ACSL6: variants seen among roughly 807,000 people sequenced by gnomAD.
ACSL6 encodes acyl-CoA synthetase long chain family member 6, also known as long-chain-fatty-acid--CoA ligase 6.
ACSL6 carries 47 observed loss-of-function variants against 98.2 expected under a neutral mutation model. That is an observed-to-expected ratio of 0.48 (90% CI 0.38 to 0.61). The LOEUF (loss-of-function observed/expected upper bound fraction) is 0.61, where lower values mean the gene tolerates loss of function less well. Ranked by LOEUF, ACSL6 falls within the 20% of genes least tolerant of loss-of-function variation. ACSL6 has a pLI of 0.00. For synonymous variants in ACSL6, 362 were observed against 336.9 expected (o/e 1.07, Z -0.82); for missense variants, 761 against 913.4 (o/e 0.83, Z 2.15).
intron 1 of ACSL6, among the ~76,000 whole-genome samples, chr5:131,998,642 T>C (rs1306798889): frequency 6.6e-6 from 1 of 152,056 alleles, no homozygotes; most frequent in African/African-American, 2.4e-5. Flanking sequence ...CTAGGCTTCA[T>C]TGTCTAGCTG....
intron 15 of ACSL6, among the ~76,000 whole-genome samples, chr5:131,969,729 C>A (rs1380890082): frequency 6.6e-6 from 1 of 152,094 alleles, no homozygotes; most frequent in East Asian, 1.9e-4. Flanking sequence ...ATTTTAGAGG[C>A]CCTTTGAGAA....
chr5:131,990,793 T>C (rs1754460227), intron 3 of ACSL6, 60 bp downstream of exon 3: 4 of 1,519,400 alleles, frequency 2.6e-6, no homozygotes, highest in Admixed American at 1.7e-5. Flanking sequence ...TACCCACCCT[T>C]GCACCCACTC....
intron 9 of ACSL6, among the ~76,000 whole-genome samples, chr5:131,980,406 T>C: frequency 6.6e-6 from 1 of 152,194 alleles, no homozygotes; most frequent in East Asian, 1.9e-4. Context: ...TGCTGGGCAC[T>C]TCATACATGG....
chr5:131,974,375 G>C (rs983275650), intron 11 of ACSL6, among the ~76,000 whole-genome samples: 1 of 152,152 alleles, frequency 6.6e-6, no homozygotes, highest in African/African-American at 2.4e-5. Context: ...TTACTCTTTT[G>C]TTTTCTCTTT....
At chr5:131,975,192 G>C in intron 10 of ACSL6, 2 of 1,398,566 alleles carry the variant, frequency 1.4e-6, no homozygotes, top group South Asian at 3.1e-5. Context: ...AAAGAAGAGA[G>C]AGACAGGGCA....
chr5:131,975,379 T>TCCCCACACCTGCAGGACCTG (rs1360275593), intron 10 of ACSL6: 2 of 985,158 alleles, frequency 2.0e-6, no homozygotes, highest in Non-Finnish European at 2.4e-6. Flanking sequence ...CTCCCCTTCC[T>TCCCCACACCTGCAGGACCTG]CCCCACACCT....
chr5:132,001,753 C>T (rs952251855), intron 1 of ACSL6: 8 of 152,400 alleles, frequency 5.2e-5, no homozygotes, highest in African/African-American at 1.9e-4. Context: ...CTTTAGCAGC[C>T]TCCACTGCCC....
chr5:131,999,004 G>A (rs1178655366), intron 1 of ACSL6, among the ~76,000 whole-genome samples: 1 of 152,100 alleles, frequency 6.6e-6, no homozygotes, highest in Non-Finnish European at 1.5e-5. Context: ...AACTTCTGAG[G>A]TCTTCAAAAC....
chr5:131,986,183 G>A (rs1361462295), intron 8 of ACSL6, among the ~76,000 whole-genome samples: 2 of 152,220 alleles, frequency 1.3e-5, no homozygotes, highest in African/African-American at 2.4e-5. Flanking sequence ...AAACTGAGCC[G>A]TGATGTGTAG....
chr5:131,994,072 G>T lies in ACSL6; in HGVS notation c.229C>A (p.Gln77Lys). 1 of 1,614,136 alleles carries T rather than the reference G, an allele frequency of 6.2e-7. No homozygotes were observed. The highest frequency in any genetic ancestry group is 8.5e-7 in the Non-Finnish European group (1 of 1,180,036). Reference sequence around the variant, plus strand: ...TGCATCAGGAGGTTGCATGGCGGCTGCAAGGCCTTTGGCCGGTGAGTGAAC... The same window carrying T: ...TGCATCAGGAGGTTGCATGGCGGCTTCAAGGCCTTTGGCCGGTGAGTGAAC... ...YWFTHRPKAL[Q>K]PPCNLLMQSE... Residue 77 changes from glutamine (Q) to lysine (K), a missense_variant, in exon 2 of 21, where the codon CAG becomes AAG. Coordinates refer to ENST00000651883, the MANE Select transcript of ACSL6 (RefSeq NM_001009185.3).
intron 10 of ACSL6, 115 bp downstream of exon 10, chr5:131,976,532 AG>A: frequency 1.1e-6 from 1 of 924,140 alleles, no homozygotes; most frequent in Non-Finnish European, 1.6e-6. Context: ...ATGGCAGCCC[AG>A]GTTATATCAA....
chr5:131,970,349 T>C (rs1017421547), intron 14 of ACSL6, 149 bp from the exon 15 acceptor site: 3 of 650,342 alleles, frequency 4.6e-6, no homozygotes, highest in Non-Finnish European at 8.2e-6. Flanking sequence ...TGGAGGTAGA[T>C]AACTCCAGGT....
chr5:131,975,156 G>A, intron 10 of ACSL6, 186 bp from the exon 11 acceptor site: 2 of 1,407,884 alleles, frequency 1.4e-6, no homozygotes, highest in Non-Finnish European at 1.9e-6. Context: ...GAGAGAGGGA[G>A]AGAGAGAGGG....
rs1347607524 is a variant in ACSL6, at chr5:131,989,287, C to T, written c.552+120G>A. ...GTGGGAAGAGGAGTGGTGGCATAGCCCAAGGGTCTCTGTTTTTTCTTTTGT... is the reference window on the plus strand; with the variant it reads ...GTGGGAAGAGGAGTGGTGGCATAGCTCAAGGGTCTCTGTTTTTTCTTTTGT... On this transcript the variant is annotated intron_variant, in intron 5 of 20. Coordinates refer to ENST00000651883, the MANE Select transcript of ACSL6 (RefSeq NM_001009185.3). 9.1e-6 allele frequency: 9 copies of T among 991,578 alleles called. No individual in the cohort carries two copies. In the East Asian group the frequency reaches 1.4e-4, roughly 16 times the overall value. 61.4% of individuals were successfully genotyped at this position (991,578 alleles called of 1,614,324 possible). A position where few individuals can be genotyped will look rare whatever the true frequency, so the allele number is the denominator to read the frequency against.
intron 9 of ACSL6, chr5:131,982,018 A>ACGCCCG (rs1753922816): frequency 6.6e-6 from 1 of 150,848 alleles, no homozygotes; most frequent in African/African-American, 2.5e-5. Context: ...CACCACACTC[A>ACGCCCG]GCTAATTGTT....
intron 1 of ACSL6, among the ~76,000 whole-genome samples, chr5:132,010,174 G>A (rs780130943): frequency 1.8e-4 from 28 of 152,228 alleles, no homozygotes; most frequent in Non-Finnish European, 4.0e-4. Flanking sequence ...GGAGCTTAGG[G>A]AGCTGAGGGG....
chr5:131,951,572 C>A lies in ACSL6; in HGVS notation c.*2662G>T. On this transcript the variant is annotated 3_prime_UTR_variant, in exon 21 of 21. Transcript: ENST00000651883. ...ATTTTAAGTGGCAAAAAGAAGAAAC[C>A]TTGTTTTTGTTTTTTTTTTTTCTTT... The A allele has an allele frequency of 5.4e-6, 1 of 184,312 alleles. No homozygotes were observed. Among genetic ancestry groups the A allele is most frequent in the East Asian group, 8.5e-5 (1 of 11,714 alleles). The allele number at this position is 184,312 out of a possible 1,614,324, so 11.4% of individuals were successfully genotyped here.
chr5:131,975,866 AC>A (rs779404978), intron 10 of ACSL6: 2 of 985,438 alleles, frequency 2.0e-6, no homozygotes, highest in Non-Finnish European at 2.4e-6. Context: ...GCTTGGGCAA[AC>A]CTTGGCTCCT....
rs543873634 is a variant in ACSL6 at position 132,011,011 on chromosome 5, T to C, written c.49+494A>G. The stretch of plus-strand genomic sequence containing the variant: ...CCTACCTTACAGAAATCTTGTACTC[T>C]GGCTGAAGGACGGGCAGGGAGGGGT... On this transcript the variant is annotated intron_variant, in intron 1 of 20. Transcript: ENST00000651883. The surrounding 1 kb of genome is among the most constrained non-coding windows in gnomAD (Gnocchi z 5.4). Among the ~76,000 whole-genome samples, 13 of 152,230 alleles carry C rather than the reference T, an allele frequency of 8.5e-5. No individual in the cohort carries two copies. The highest frequency in any genetic ancestry group is 1.9e-4 in the Non-Finnish European group (13 of 67,998).
Sources: gnomAD v4.1 joint callset for allele counts (sites outside exome capture counted in the v4.1 genomes callset) on GRCh38, gnomAD v4.1.1 for gene constraint, Gnocchi (gnomAD v3.1) non-coding constraint, MANE v1.5 for transcripts, NCBI Gene and HGNC (gene_info 2026-07-23, HGNC 2026-07-21) for gene names.